Variants in KCNQ1OT1 observed in about 807,000 individuals in gnomAD.
KCNQ1OT1 encodes KCNQ1 opposite strand/antisense transcript 1.
Position 2,683,813 on chromosome 11 carries a change from G to T in KCNQ1OT1, n.16182C>A. On this transcript the variant is annotated non_coding_transcript_exon_variant, in exon 1 of 1. Transcript: ENST00000597346. The surrounding 1 kb of genome is among the most constrained non-coding windows in gnomAD (Gnocchi z 4.7). ...CTATACCCCAAAATCCCAGCCACTA[G>T]CTTGCAGAATGGCTTTGTTGGATTC... is the stretch of plus-strand genomic sequence containing the variant. The T allele has an allele frequency of 2.5e-6, 1 of 398,620 alleles. No homozygotes were observed. Among genetic ancestry groups the T allele is most frequent in the Non-Finnish European group, 4.4e-6 (1 of 226,082 alleles). The allele number at this position is 398,620 out of a possible 1,614,324, so 24.7% of individuals were successfully genotyped here.
exon 1 of KCNQ1OT1, chr11:2,649,910 T>G: frequency 2.5e-6 from 1 of 398,546 alleles, no homozygotes; most frequent in Non-Finnish European, 4.4e-6. Flanking sequence ...ACACTTCTTC[T>G]GGAACTCCCA....
chr11:2,612,102 T>A lies in KCNQ1OT1; in HGVS notation n.87893A>T, dbSNP rs1182777965. 2.5e-6 allele frequency: 1 copy of A among 398,486 alleles called. No individual in the cohort carries two copies. The highest frequency in any genetic ancestry group is 2.1e-5 in the African/African-American group (1 of 48,616). 24.7% of individuals were successfully genotyped at this position (398,486 alleles called of 1,614,324 possible). On this transcript the variant is annotated non_coding_transcript_exon_variant, in exon 1 of 1. Coordinates refer to ENST00000597346, the Ensembl canonical transcript of KCNQ1OT1. This position sits in a 1 kb window ranked among gnomAD's most constrained non-coding sequence, Gnocchi z 5.5. The stretch of plus-strand genomic sequence containing the variant: ...GTTACACATCCTGTTAGGACAGGGG[T>A]TCCCAACCCCAGGGCCATGGACTGG...
In KCNQ1OT1 at chr11:2,613,955, A is replaced by G. The variant is rs1394286278; in HGVS notation, n.86040T>C. On this transcript the variant is annotated non_coding_transcript_exon_variant, in exon 1 of 1. Coordinates refer to ENST00000597346, the Ensembl canonical transcript of KCNQ1OT1. This position sits in a 1 kb window ranked among gnomAD's most constrained non-coding sequence, Gnocchi z 4.8. ...AACTTTGCTTTTCTCACCTAACAAC[A>G]TCTCCTAGAAATCACTCAACATCCA... The G allele has an allele frequency of 5.0e-6, 2 of 398,464 alleles. No homozygotes were observed. Among genetic ancestry groups the G allele is most frequent in the East Asian group, 3.6e-5 (1 of 28,074 alleles). 24.7% of individuals were successfully genotyped at this position (398,464 alleles called of 1,614,324 possible).
chr11:2,643,477 G>T, exon 1 of KCNQ1OT1: 1 of 398,346 alleles, frequency 2.5e-6, no homozygotes. Flanking sequence ...AGCTACTCCT[G>T]TTTGGTTTTT....
chr11:2,665,665 T>A (rs1850054508), exon 1 of KCNQ1OT1: 2 of 397,888 alleles, frequency 5.0e-6, no homozygotes, highest in African/African-American at 4.1e-5. Flanking sequence ...ACCAGTTCCC[T>A]AAGCCTTTCG....
chr11:2,622,773 A>G lies in KCNQ1OT1; in HGVS notation n.77222T>C, dbSNP rs549633172. ...TCCAGCAAAATTGAGAGGTAAGTACAGAGATTTCCCGTATACCCACTGCAC... is the reference window on the plus strand; with the variant it reads ...TCCAGCAAAATTGAGAGGTAAGTACGGAGATTTCCCGTATACCCACTGCAC... On this transcript the variant is annotated non_coding_transcript_exon_variant, in exon 1 of 1. Coordinates refer to ENST00000597346, the Ensembl canonical transcript of KCNQ1OT1. The G allele has an allele frequency of 9.4e-4, 375 of 398,618 alleles. 2 individuals carry two copies. Among genetic ancestry groups the G allele is most frequent in the African/African-American group, 7.1e-3 (347 of 48,742 alleles). 24.7% of individuals were successfully genotyped at this position (398,618 alleles called of 1,614,324 possible).
In KCNQ1OT1 at chr11:2,610,716, CTTTTTTTTTTTTTTTTT is replaced by C. The variant is rs1167505141; in HGVS notation, n.89262_89278del. 2.3e-5 allele frequency: 4 copies of C among 176,132 alleles called. 1 individual carries two copies. The highest frequency in any genetic ancestry group is 9.2e-6 in the Non-Finnish European group (1 of 109,106). 10.9% of individuals were successfully genotyped at this position (176,132 alleles called of 1,614,324 possible). A position where few individuals can be genotyped will look rare whatever the true frequency, so the allele number is the denominator to read the frequency against. On this transcript the variant is annotated non_coding_transcript_exon_variant, in exon 1 of 1. Transcript: ENST00000597346. ...TTCTGGACACAGTATTCTTGGTTGG[CTTTTTTTTTTTTTTTTT>C]TTTTTTTTTTTTACTTTGAGCACTT...
chr11:2,689,251 G>A, exon 1 of KCNQ1OT1: 1 of 398,734 alleles, frequency 2.5e-6, no homozygotes. Context: ...TCAGCCCTTG[G>A]AGGACGTTCC....
chr11:2,667,036 C>T (rs1850086140), exon 1 of KCNQ1OT1: 3 of 398,670 alleles, frequency 7.5e-6, no homozygotes, highest in South Asian at 2.5e-4. Flanking sequence ...CCCACATAGC[C>T]CCAGCCAGGC....
exon 1 of KCNQ1OT1, chr11:2,633,263 A>C (rs1849392860): frequency 2.5e-6 from 1 of 398,378 alleles, no homozygotes; most frequent in Non-Finnish European, 4.4e-6. Context: ...AATTGTTTGA[A>C]TTCCTTGTAT....
At position 2,682,479 on chromosome 11, in the gene KCNQ1OT1, T is replaced by G. The variant is rs1313600985; in HGVS notation, n.17516A>C. 7.9e-6 allele frequency: 3 copies of G among 377,998 alleles called. No individual in the cohort carries two copies. The highest frequency in any genetic ancestry group is 4.6e-5 in the Admixed American group (1 of 21,910). The allele number at this position is 377,998 out of a possible 1,614,324, so 23.4% of individuals were successfully genotyped here. A position where few individuals can be genotyped will look rare whatever the true frequency, so the allele number is the denominator to read the frequency against. ...GGACCCTCAGTGAATGTTTGACGAG[T>G]GAGTGAGTGAGTGAGTGAGTGAGTG... On this transcript the variant is annotated non_coding_transcript_exon_variant, in exon 1 of 1. Coordinates refer to ENST00000597346, the Ensembl canonical transcript of KCNQ1OT1. The surrounding 1 kb of genome is among the most constrained non-coding windows in gnomAD (Gnocchi z 5.8).
chr11:2,626,714 A>G lies in KCNQ1OT1; in HGVS notation n.73281T>C. On this transcript the variant is annotated non_coding_transcript_exon_variant, in exon 1 of 1. Transcript: ENST00000597346. The surrounding 1 kb of genome is among the most constrained non-coding windows in gnomAD (Gnocchi z 4.0). Reference sequence around the variant, plus strand: ...TGGCCAATTATTTTATTTTTTGTAGAGATGAGGTCTCCCTGTGTTCCCCAG... The same window carrying G: ...TGGCCAATTATTTTATTTTTTGTAGGGATGAGGTCTCCCTGTGTTCCCCAG... 2.5e-6 allele frequency: 1 copy of G among 398,386 alleles called. No homozygotes were observed. The highest frequency in any genetic ancestry group is 4.4e-6 in the Non-Finnish European group (1 of 226,042). The allele number at this position is 398,386 out of a possible 1,614,324, so 24.7% of individuals were successfully genotyped here. A position where few individuals can be genotyped will look rare whatever the true frequency, so the allele number is the denominator to read the frequency against.
At position 2,653,533 on chromosome 11, in the gene KCNQ1OT1, C is replaced by T. The variant is rs1296817561; in HGVS notation, n.46462G>A. On this transcript the variant is annotated non_coding_transcript_exon_variant, in exon 1 of 1. Coordinates refer to ENST00000597346, the Ensembl canonical transcript of KCNQ1OT1. The surrounding 1 kb of genome is among the most constrained non-coding windows in gnomAD (Gnocchi z 5.3). ...ATCTTGCTCACTTGCTCTCACTCTC[C>T]CCTCTTGCACTCCCCTTCTCCCTTC... The T allele has an allele frequency of 2.5e-6, 1 of 398,694 alleles. No homozygotes were observed. Among genetic ancestry groups the T allele is most frequent in the Non-Finnish European group, 4.4e-6 (1 of 226,192 alleles). The allele number at this position is 398,694 out of a possible 1,614,324, so 24.7% of individuals were successfully genotyped here. A position where few individuals can be genotyped will look rare whatever the true frequency, so the allele number is the denominator to read the frequency against.
At position 2,656,319 on chromosome 11, in the gene KCNQ1OT1, C is replaced by T; in HGVS notation, n.43676G>A. 5 of 398,680 alleles carry T rather than the reference C, an allele frequency of 1.3e-5. No individual in the cohort carries two copies. In the Admixed American group the frequency reaches 1.8e-4, roughly 14 times the overall value. 24.7% of individuals were successfully genotyped at this position (398,680 alleles called of 1,614,324 possible). On this transcript the variant is annotated non_coding_transcript_exon_variant, in exon 1 of 1. Transcript: ENST00000597346. Reference sequence around the variant, plus strand: ...GGCAGTAACATGCTTCTGCCAGGTCCCAGACCTGTGGGTCTCCAAATCTGC... The same window carrying T: ...GGCAGTAACATGCTTCTGCCAGGTCTCAGACCTGTGGGTCTCCAAATCTGC...
chr11:2,651,402 A>G lies in KCNQ1OT1; in HGVS notation n.48593T>C. The G allele has an allele frequency of 7.5e-6, 3 of 398,726 alleles. No homozygotes were observed. The highest frequency in any genetic ancestry group is 7.1e-5 in the East Asian group (2 of 28,080). The allele number at this position is 398,726 out of a possible 1,614,324, so 24.7% of individuals were successfully genotyped here. A position where few individuals can be genotyped will look rare whatever the true frequency, so the allele number is the denominator to read the frequency against. On this transcript the variant is annotated non_coding_transcript_exon_variant, in exon 1 of 1. Coordinates refer to ENST00000597346, the Ensembl canonical transcript of KCNQ1OT1. The surrounding 1 kb of genome is among the most constrained non-coding windows in gnomAD (Gnocchi z 6.1). Reference sequence around the variant, plus strand: ...CTGCCCCGGTGGTGGCTCACTTTCCATTCCTTTTGGCCTGCCCTGTGTGCA... The same window carrying G: ...CTGCCCCGGTGGTGGCTCACTTTCCGTTCCTTTTGGCCTGCCCTGTGTGCA...
In KCNQ1OT1 at chr11:2,682,107, C is replaced by T. The variant is rs371542654; in HGVS notation, n.17888G>A. ...GCCCAGGGTCACAAAGCTAGGGAGC[C>T]GTGGATCTGCAGGAGATGTCCCAGC... On this transcript the variant is annotated non_coding_transcript_exon_variant, in exon 1 of 1. Coordinates refer to ENST00000597346, the Ensembl canonical transcript of KCNQ1OT1. The surrounding 1 kb of genome is among the most constrained non-coding windows in gnomAD (Gnocchi z 5.8). 3 of 398,522 alleles carry T rather than the reference C, an allele frequency of 7.5e-6. No individual in the cohort carries two copies. Among genetic ancestry groups the T allele is most frequent in the Non-Finnish European group, 1.3e-5 (3 of 226,060 alleles). 24.7% of individuals were successfully genotyped at this position (398,522 alleles called of 1,614,324 possible). A position where few individuals can be genotyped will look rare whatever the true frequency, so the allele number is the denominator to read the frequency against.
At position 2,690,126 on chromosome 11, in the gene KCNQ1OT1, G is replaced by C; in HGVS notation, n.9869C>G. On this transcript the variant is annotated non_coding_transcript_exon_variant, in exon 1 of 1. Coordinates refer to ENST00000597346, the Ensembl canonical transcript of KCNQ1OT1. The surrounding 1 kb of genome is among the most constrained non-coding windows in gnomAD (Gnocchi z 5.1). ...TTCCGGGGTTAGAACTGGGGGAGCA[G>C]GGACAAAAAGCGGGCAGCCCTCCCC... The C allele has an allele frequency of 2.5e-6, 1 of 398,996 alleles. No homozygotes were observed. The highest frequency in any genetic ancestry group is 4.4e-6 in the Non-Finnish European group (1 of 226,344). 24.7% of individuals were successfully genotyped at this position (398,996 alleles called of 1,614,324 possible). A position where few individuals can be genotyped will look rare whatever the true frequency, so the allele number is the denominator to read the frequency against.
In KCNQ1OT1 at chr11:2,658,469, C is replaced by G; in HGVS notation, n.41526G>C. 5.0e-6 allele frequency: 2 copies of G among 398,512 alleles called. No homozygotes were observed. The highest frequency in any genetic ancestry group is 8.8e-6 in the Non-Finnish European group (2 of 226,046). The allele number at this position is 398,512 out of a possible 1,614,324, so 24.7% of individuals were successfully genotyped here. On this transcript the variant is annotated non_coding_transcript_exon_variant, in exon 1 of 1. Transcript: ENST00000597346. This position sits in a 1 kb window ranked among gnomAD's most constrained non-coding sequence, Gnocchi z 4.9. The stretch of plus-strand genomic sequence containing the variant: ...TGTGTCCTTTTGATGTGCCCCCCGC[C>G]ATCCTTTTCATTTATTTTTAAGCAT...
In KCNQ1OT1 at chr11:2,627,205, A is replaced by G. The variant is rs1468146866; in HGVS notation, n.72790T>C. 3 of 398,500 alleles carry G rather than the reference A, an allele frequency of 7.5e-6. No individual in the cohort carries two copies. Among genetic ancestry groups the G allele is most frequent in the African/African-American group, 4.1e-5 (2 of 48,720 alleles). The allele number at this position is 398,500 out of a possible 1,614,324, so 24.7% of individuals were successfully genotyped here. On this transcript the variant is annotated non_coding_transcript_exon_variant, in exon 1 of 1. Transcript: ENST00000597346. The surrounding 1 kb of genome is among the most constrained non-coding windows in gnomAD (Gnocchi z 4.9). ...TTCAGCTTTTATTGAGGTATAATTGACAAATTAAAAGTGCATATATTTAAG... is the reference window on the plus strand; with the variant it reads ...TTCAGCTTTTATTGAGGTATAATTGGCAAATTAAAAGTGCATATATTTAAG...
Sources: allele counts gnomAD v4.1 joint callset, GRCh38; gene constraint gnomAD v4.1.1; non-coding constraint Gnocchi (gnomAD v3.1); transcripts MANE v1.5; gene names NCBI Gene and HGNC (gene_info 2026-07-23, HGNC 2026-07-21).